SOX5: variants seen among roughly 807,000 people sequenced by gnomAD.
SOX5 encodes the protein SRY-box transcription factor 5.
SOX5 carries 9 observed loss-of-function variants against 92.0 expected under a neutral mutation model. The observed-to-expected ratio is 0.10, with a 90% confidence interval of 0.06 to 0.17. The LOEUF is 0.17. Ranked by LOEUF, SOX5 falls within the 10% of genes least tolerant of loss-of-function variation. The probability of loss-of-function intolerance (pLI) is 1.00; values close to 1 mark genes in which losing one functional copy is unlikely to be tolerated. For synonymous variants in SOX5, 344 were observed against 336.3 expected, an observed-to-expected ratio of 1.02 and a Z score of -0.25; for missense variants, 642 against 944.5, an observed-to-expected ratio of 0.68 and a Z score of 4.20.
chr12:23,602,524 G>GA (rs2074643477), intron 9 of SOX5, among the ~76,000 whole-genome samples: 1 of 151,994 alleles, frequency 6.6e-6, no homozygotes, highest in Admixed American at 6.6e-5. Context: ...AGGTATCAAT[G>GA]ATAAAAAGTG....
intron 1 of SOX5, among the ~76,000 whole-genome samples, chr12:24,521,150 G>A (rs2138481988): frequency 6.6e-6 from 1 of 152,262 alleles, no homozygotes; most frequent in South Asian, 2.1e-4. Context: ...CGCCTCCCGG[G>A]TACAAGCAAT....
intron 3 of SOX5, among the ~76,000 whole-genome samples, chr12:23,843,322 T>C (rs991626311): frequency 4.6e-5 from 7 of 152,174 alleles, no homozygotes; most frequent in African/African-American, 1.4e-4. Context: ...AACTCTGGAC[T>C]TTAGTTAATA....
intron 1 of SOX5, among the ~76,000 whole-genome samples, chr12:24,518,456 G>GA (rs1327574756): frequency 5.9e-5 from 9 of 151,826 alleles, no homozygotes; most frequent in Non-Finnish European, 1.2e-4. Flanking sequence ...GAAAATGTTG[G>GA]AAAAAAGAAG....
rs1342944882 is a variant in SOX5 at position 24,547,224 on chromosome 12, G to A, written c.-251+15105C>T. 6.5e-5 allele frequency among the ~76,000 whole-genome samples: 8 copies of A among 122,680 alleles called. No individual in the cohort carries two copies. In the East Asian group the frequency reaches 1.1e-3, roughly 17 times the overall value. 80.5% of individuals were successfully genotyped at this position (122,680 alleles called of 152,430 possible). A position where few individuals can be genotyped will look rare whatever the true frequency, so the allele number is the denominator to read the frequency against. The stretch of plus-strand genomic sequence containing the variant: ...TTTTGAGACGGAGTCTCGCTCTGTC[G>A]CCCAGGCCGGACTGCGGACTGCAGT... On this transcript the variant is annotated intron_variant, in intron 1 of 4. Coordinates refer to the SOX5 transcript ENST00000446891.
chr12:23,579,645 G>C (rs1404752260), intron 9 of SOX5, among the ~76,000 whole-genome samples: 3 of 151,966 alleles, frequency 2.0e-5, no homozygotes, highest in African/African-American at 7.2e-5. Flanking sequence ...CTTATAATAT[G>C]AATATGTGCA....
intron 4 of SOX5, among the ~76,000 whole-genome samples, chr12:24,196,015 G>C (rs909606037): frequency 1.3e-5 from 2 of 152,178 alleles, no homozygotes; most frequent in African/African-American, 4.8e-5. Flanking sequence ...CGCTGGAGTA[G>C]CTGGAATCAC....
chr12:23,961,509 C>G (rs1429363220), intron 4 of SOX5, among the ~76,000 whole-genome samples: 1 of 152,104 alleles, frequency 6.6e-6, no homozygotes. Flanking sequence ...CTGTGCATTA[C>G]TCTTGGAGTA....
intron 4 of SOX5, among the ~76,000 whole-genome samples, chr12:24,128,322 C>A (rs761588887): frequency 1.1e-4 from 16 of 152,244 alleles, no homozygotes; most frequent in Non-Finnish European, 2.1e-4. Context: ...ATTAACAGGA[C>A]CCTGTGAATG....
intron 4 of SOX5, among the ~76,000 whole-genome samples, chr12:24,115,345 T>C (rs1003368688): frequency 6.6e-6 from 1 of 152,228 alleles, no homozygotes. Context: ...AACTCTATAT[T>C]CCACTAAATT....
intron 4 of SOX5, among the ~76,000 whole-genome samples, chr12:24,022,356 G>C (rs1228147123): frequency 1.3e-5 from 2 of 152,092 alleles, no homozygotes; most frequent in Admixed American, 1.3e-4. Context: ...CATGAGTCTA[G>C]AACTTAGGTG....
intron 1 of SOX5, among the ~76,000 whole-genome samples, chr12:24,369,766 T>C (rs889908269): frequency 1.4e-4 from 21 of 152,236 alleles, no homozygotes; most frequent in African/African-American, 4.8e-4. Flanking sequence ...GTGTGGATTA[T>C]ATTGTGCAGA....
intron 3 of SOX5, among the ~76,000 whole-genome samples, chr12:24,263,260 G>C (rs146389412): frequency 6.6e-6 from 1 of 151,828 alleles, no homozygotes; most frequent in South Asian, 2.1e-4. Context: ...GGGTGTGGTG[G>C]CTCACACCTG....
At chr12:24,302,689 C>T (rs952611541) in intron 2 of SOX5, among the ~76,000 whole-genome samples, 14 of 151,976 alleles carry the variant, frequency 9.2e-5, no homozygotes, top group African/African-American at 3.1e-4. Flanking sequence ...TTGCAGCCCA[C>T]AGCAAATGAT....
chr12:23,540,346 C>T lies in SOX5; in HGVS notation c.1771+2865G>A, dbSNP rs143391509. Among the ~76,000 whole-genome samples the T allele has an allele frequency of 4.1e-3, 600 of 146,744 alleles. 5 individuals are homozygous for T. The highest frequency in any genetic ancestry group is 0.034 in the South Asian group (157 of 4,572). On this transcript the variant is annotated intron_variant, in intron 13 of 14. Coordinates refer to ENST00000451604, the MANE Select transcript of SOX5 (RefSeq NM_006940.6). ...CTAACCTGCACATGGTGGACATGTACCCTAAAACTTAAAGTATAATAATAA... is the reference window on the plus strand; with the variant it reads ...CTAACCTGCACATGGTGGACATGTATCCTAAAACTTAAAGTATAATAATAA...
intron 6 of SOX5, among the ~76,000 whole-genome samples, chr12:23,687,023 A>G (rs1396975862): frequency 6.6e-6 from 1 of 151,980 alleles, no homozygotes; most frequent in Non-Finnish European, 1.5e-5. Flanking sequence ...GCTACTAAAG[A>G]TTTATTTTAC....
At chr12:24,464,860 A>G (rs1944052804) in intron 1 of SOX5, among the ~76,000 whole-genome samples, 1 of 152,242 alleles carries the variant, frequency 6.6e-6, no homozygotes, top group African/African-American at 2.4e-5. Context: ...AAACCATGTT[A>G]ACATGATCAC....
At chr12:24,455,684 C>T (rs967348318) in intron 1 of SOX5, among the ~76,000 whole-genome samples, 5 of 152,164 alleles carry the variant, frequency 3.3e-5, no homozygotes, top group African/African-American at 4.8e-5. Flanking sequence ...GACTGATAGT[C>T]GGCTGAGTAT....
intron 3 of SOX5, among the ~76,000 whole-genome samples, chr12:23,810,567 C>G (rs935284182): frequency 6.6e-6 from 1 of 152,102 alleles, no homozygotes; most frequent in African/African-American, 2.4e-5. Context: ...TAGGGCCATT[C>G]GACAAGGTAG....
chr12:23,534,400 G>C lies in SOX5; in HGVS notation c.2111C>G (p.Pro704Arg). The C allele has an allele frequency of 6.2e-7, 1 of 1,614,122 alleles. No homozygotes were observed. Among genetic ancestry groups the C allele is most frequent in the Non-Finnish European group, 8.5e-7 (1 of 1,180,014 alleles). The part of the protein sequence containing the change: ...EHSSVSSSPE[P>R]GMPVIQSTYG... ...AGTGCTCTGGATAACAGGCATCCCAGGCTCTGGGCTGCTAGACACGCTTGA... is the reference window on the plus strand; with the variant it reads ...AGTGCTCTGGATAACAGGCATCCCACGCTCTGGGCTGCTAGACACGCTTGA... Residue 704 changes from proline (P) to arginine (R), a missense_variant, in exon 15 of 15, where the codon CCT becomes CGT. By Grantham distance (103) the Pro-to-Arg change is moderately radical. Coordinates refer to ENST00000451604, the MANE Select transcript of SOX5 (RefSeq NM_006940.6).
Sources: gnomAD v4.1 joint callset for allele counts (sites outside exome capture counted in the v4.1 genomes callset) on GRCh38, gnomAD v4.1.1 for gene constraint, MANE v1.5 for transcripts, NCBI Gene and HGNC (gene_info 2026-07-23, HGNC 2026-07-21) for gene names.